DNER: variants seen among roughly 807,000 people sequenced by gnomAD.
DNER encodes the protein delta/notch like EGF repeat containing.
A neutral mutation model predicts 78.2 loss-of-function variants in DNER; 33 were observed. The ratio of observed to expected loss-of-function variants is 0.42; its 90% CI spans 0.32 to 0.56. DNER has a LOEUF of 0.56. Ranked by LOEUF, DNER falls within the 20% of genes least tolerant of loss-of-function variation. DNER has a pLI of 0.11. For synonymous variants in DNER, 417 were observed against 384.8 expected, an observed-to-expected ratio of 1.08 and a Z score of -0.98; for missense variants, 918 against 975.3, an observed-to-expected ratio of 0.94 and a Z score of 0.78.
chr2:229,551,219 G>T (rs1696729202), intron 4 of DNER, among the ~76,000 whole-genome samples: 1 of 151,982 alleles, frequency 6.6e-6, no homozygotes, highest in Non-Finnish European at 1.5e-5. Flanking sequence ...TGTCTTTTCT[G>T]TTTGTTTATT....
At chr2:229,653,652 T>A (rs1395954937) in intron 1 of DNER, among the ~76,000 whole-genome samples, 5 of 152,216 alleles carry the variant, frequency 3.3e-5, no homozygotes. Context: ...GGGCTCATTT[T>A]ACATTAACTA....
chr2:229,544,065 T>A (rs552481247), intron 5 of DNER, among the ~76,000 whole-genome samples: 1 of 149,718 alleles, frequency 6.7e-6, no homozygotes, highest in African/African-American at 2.6e-5. Flanking sequence ...AAAATTGAAT[T>A]AAAATTAAAA....
intron 11 of DNER, among the ~76,000 whole-genome samples, chr2:229,387,497 A>AAGAAAGAG (rs1365933391): frequency 2.9e-5 from 3 of 103,484 alleles, no homozygotes; most frequent in Non-Finnish European, 6.3e-5. Context: ...GAAAGAAAGA[A>AAGAAAGAG]AGAAAGAAAG....
intron 5 of DNER, among the ~76,000 whole-genome samples, chr2:229,519,949 A>C (rs1340227264): frequency 6.6e-6 from 1 of 152,152 alleles, no homozygotes; most frequent in African/African-American, 2.4e-5. Flanking sequence ...TTATTCAAAT[A>C]AGGTGTCAGG....
intron 1 of DNER, among the ~76,000 whole-genome samples, chr2:229,683,580 A>G (rs56258208): frequency 0.019 from 2,877 of 152,324 alleles, 34 homozygotes; most frequent in Non-Finnish European, 0.032. Context: ...TTGGGTTATC[A>G]GGTCAGTTCA....
chr2:229,477,153 G>T lies in DNER; in HGVS notation c.1248C>A (p.Cys416Ter), dbSNP rs1430387800. The T allele has an allele frequency of 1.9e-6, 3 of 1,613,224 alleles. No individual in the cohort carries two copies. Among genetic ancestry groups the T allele is most frequent in the Non-Finnish European group, 2.5e-6 (3 of 1,179,558 alleles). Residue 416 changes from cysteine to a stop codon, truncating the protein, a stop_gained, in exon 7 of 13, where the codon TGC becomes TGA. Coordinates refer to ENST00000341772, the MANE Select transcript of DNER (RefSeq NM_139072.4). LOFTEE classifies it high-confidence loss of function. ...TCISSLSGFT[C>*]QCPEGYFGSA... is the part of the protein sequence containing the mutation. ...AATACTAATTACCTTCTGGACACTG[G>T]CAGGTGAATCCACTGAGACTGGAAA...
Position 229,594,952 on chromosome 2 carries a change from TAAAAAAAAAAA to T in DNER, c.277-3075_277-3065del, listed in dbSNP as rs200824543. ...CCAGGTCTCGGTATAAAATGCTGTT[TAAAAAAAAAAA>T]AAAAAAAAAAAAAAAAAAAAAAAAA... On this transcript the variant is annotated intron_variant, in intron 1 of 12. Transcript: ENST00000341772. 1.7e-3 allele frequency among the ~76,000 whole-genome samples: 173 copies of T among 102,670 alleles called. 5 individuals are homozygous for T. Among genetic ancestry groups the T allele is most frequent in the East Asian group, 5.9e-3 (20 of 3,370 alleles). The allele number at this position is 102,670 out of a possible 152,430, so 67.4% of individuals were successfully genotyped here.
intron 11 of DNER, among the ~76,000 whole-genome samples, chr2:229,387,268 C>T (rs1263919329): frequency 1.3e-5 from 2 of 151,864 alleles, no homozygotes; most frequent in Non-Finnish European, 2.9e-5. Flanking sequence ...TAAGTGGGAG[C>T]TCAACAATGA....
chr2:229,701,566 C>T (rs1316487419), intron 1 of DNER, among the ~76,000 whole-genome samples: 1 of 152,238 alleles, frequency 6.6e-6, no homozygotes, highest in Admixed American at 6.5e-5. Context: ...ATGTCTTAGT[C>T]CATGCTCAGA....
intron 4 of DNER, among the ~76,000 whole-genome samples, chr2:229,558,769 T>C (rs1696900716): frequency 6.6e-6 from 1 of 152,088 alleles, no homozygotes; most frequent in Admixed American, 6.6e-5. Flanking sequence ...GGAGGTAGCA[T>C]TTAGGTTGAG....
In DNER at chr2:229,639,801, G is replaced by T. The variant is rs145157657; in HGVS notation, c.277-47913C>A. Among the ~76,000 whole-genome samples the T allele has an allele frequency of 4.8e-3, 734 of 152,226 alleles. 6 individuals are homozygous for T. Among genetic ancestry groups the T allele is most frequent in the African/African-American group, 0.016 (681 of 41,556 alleles). On this transcript the variant is annotated intron_variant, in intron 1 of 12. Transcript: ENST00000341772. ...GAAGTCAAGATAGGAGCAAAAATCGGCCAGGATGCAGCGAAGAACCCAAGG... is the reference window on the plus strand; with the variant it reads ...GAAGTCAAGATAGGAGCAAAAATCGTCCAGGATGCAGCGAAGAACCCAAGG...
At chr2:229,366,736 C>G (rs762238880) in intron 12 of DNER, 137 bp downstream of exon 12, 19 of 1,356,182 alleles carry the variant, frequency 1.4e-5, no homozygotes, top group Non-Finnish European at 1.5e-5. Context: ...TGATCTATCC[C>G]CAAATACAAT....
At position 229,546,798 on chromosome 2, in the gene DNER, T is replaced by TAGACAGACAGAC. The variant is rs1416737554; in HGVS notation, c.993+148_993+149insGTCTGTCTGTCT. 4.0e-5 allele frequency: 47 copies of TAGACAGACAGAC among 1,185,860 alleles called. 1 individual carries two copies. The African/African-American group carries it at 6.5e-4, about 17-fold the overall frequency. The allele number at this position is 1,185,860 out of a possible 1,614,324, so 73.5% of individuals were successfully genotyped here. ...ACAGACAGATAGACAGATAGATAGA[T>TAGACAGACAGAC]AGATAGACAGACAGACAGACAGACA... On this transcript the variant is annotated intron_variant, in intron 5 of 12. Coordinates refer to ENST00000341772, the MANE Select transcript of DNER (RefSeq NM_139072.4).
chr2:229,373,986 A>G (rs1692546551), intron 11 of DNER, among the ~76,000 whole-genome samples: 1 of 152,186 alleles, frequency 6.6e-6, no homozygotes, highest in East Asian at 1.9e-4. Flanking sequence ...GCCAACATGG[A>G]AAAACTCCAT....
chr2:229,690,588 T>A (rs1699554161), intron 1 of DNER, among the ~76,000 whole-genome samples: 1 of 152,204 alleles, frequency 6.6e-6, no homozygotes, highest in South Asian at 2.1e-4. Context: ...TCCATCACTC[T>A]GGGACTACTC....
chr2:229,702,260 C>A, intron 1 of DNER: 1 of 153,154 alleles, frequency 6.5e-6, no homozygotes, highest in South Asian at 2.0e-4. Flanking sequence ...ATGGGCTGGG[C>A]ACAGTGGCTC....
At chr2:229,408,659 T>C (rs1164962594) in intron 9 of DNER, among the ~76,000 whole-genome samples, 2 of 152,182 alleles carry the variant, frequency 1.3e-5, no homozygotes, top group African/African-American at 4.8e-5. Flanking sequence ...GGCACTGAAA[T>C]CATCCTTGCT....
intron 4 of DNER, among the ~76,000 whole-genome samples, chr2:229,548,532 A>G (rs1378748175): frequency 1.3e-5 from 2 of 152,110 alleles, no homozygotes; most frequent in African/African-American, 4.8e-5. Flanking sequence ...TATAGGTGAG[A>G]GTTGAACAAT....
intron 2 of DNER, among the ~76,000 whole-genome samples, chr2:229,590,862 T>G (rs1193681304): frequency 3.3e-5 from 5 of 152,224 alleles, no homozygotes; most frequent in Non-Finnish European, 7.3e-5. Context: ...TAGGAGATGT[T>G]TGGGCCATGG....
Sources: gnomAD v4.1 joint callset for allele counts (sites outside exome capture counted in the v4.1 genomes callset) on GRCh38, gnomAD v4.1.1 for gene constraint, MANE v1.5 for transcripts, NCBI Gene and HGNC (gene_info 2026-07-23, HGNC 2026-07-21) for gene names.